The following THSD7B variants were observed in gnomAD, a reference collection of about 807,000 sequenced individuals.
The protein encoded by THSD7B is thrombospondin type 1 domain containing 7B, also known as thrombospondin type-1 domain-containing protein 7B.
In THSD7B, 138 loss-of-function variants were observed where a neutral mutation model predicts 213.6. The observed-to-expected ratio is 0.65, with a 90% CI of 0.56 to 0.74. The LOEUF is 0.74. Among genes scored for constraint, THSD7B ranks in the 30% least tolerant of loss-of-function variants. THSD7B has a pLI of 0.00. For synonymous variants in THSD7B, 742 were observed against 687.0 expected (o/e 1.08, Z -1.25); for missense variants, 1,931 against 1,991.5 (o/e 0.97, Z 0.58).
At chr2:137,443,105 T>C (rs1687454376) in intron 14 of THSD7B, among the ~76,000 whole-genome samples, 1 of 152,162 alleles carries the variant, frequency 6.6e-6, no homozygotes, top group Non-Finnish European at 1.5e-5. Context: ...TCTAGTCTCC[T>C]TTGTCTCTAA....
At chr2:137,013,456 G>A (rs532172424) in intron 2 of THSD7B, among the ~76,000 whole-genome samples, 2 of 152,256 alleles carry the variant, frequency 1.3e-5, no homozygotes, top group South Asian at 4.1e-4. Flanking sequence ...AGAGTTCTTA[G>A]GATAGGGTAC....
intron 7 of THSD7B, among the ~76,000 whole-genome samples, chr2:137,183,736 C>T (rs1441751332): frequency 2.0e-5 from 3 of 151,988 alleles, no homozygotes; most frequent in Non-Finnish European, 4.4e-5. Flanking sequence ...TACCCAGTGT[C>T]AAAACAAGGG....
At chr2:137,676,173 G>A (rs1311876339) in intron 27 of THSD7B, among the ~76,000 whole-genome samples, 2 of 152,182 alleles carry the variant, frequency 1.3e-5, no homozygotes, top group Admixed American at 1.3e-4. Flanking sequence ...GGCTGCTCCA[G>A]CTGCTTATGA....
At chr2:137,639,170 G>A (rs1383349471) in intron 20 of THSD7B, among the ~76,000 whole-genome samples, 1 of 152,032 alleles carries the variant, frequency 6.6e-6, no homozygotes, top group African/African-American at 2.4e-5. Context: ...GTCCCAGCAG[G>A]AAAAGTGGTT....
chr2:137,516,826 A>G (rs1243944891), intron 15 of THSD7B, among the ~76,000 whole-genome samples: 2 of 152,226 alleles, frequency 1.3e-5, no homozygotes, highest in African/African-American at 4.8e-5. Flanking sequence ...ACCTAGAAAA[A>G]TAGTAAATAA....
chr2:137,377,233 G>A (rs1685676761), intron 12 of THSD7B, among the ~76,000 whole-genome samples: 1 of 152,142 alleles, frequency 6.6e-6, no homozygotes, highest in Admixed American at 6.5e-5. Flanking sequence ...TCCAGATAGT[G>A]TTCTGCAGAA....
chr2:137,439,073 A>G (rs1375167553), intron 14 of THSD7B, among the ~76,000 whole-genome samples: 2 of 152,094 alleles, frequency 1.3e-5, no homozygotes, highest in Non-Finnish European at 2.9e-5. Flanking sequence ...ATTTTCTCCT[A>G]TAAACTTTAG....
At chr2:137,085,616 A>T (rs1206226355) in intron 3 of THSD7B, among the ~76,000 whole-genome samples, 2 of 152,114 alleles carry the variant, frequency 1.3e-5, no homozygotes, top group East Asian at 3.8e-4. Context: ...TAGAGCAAAA[A>T]TAAAAGAAAA....
intron 2 of THSD7B, among the ~76,000 whole-genome samples, chr2:136,917,303 A>G (rs1228806715): frequency 6.6e-6 from 1 of 152,198 alleles, no homozygotes; most frequent in Non-Finnish European, 1.5e-5. Flanking sequence ...AAATATATTC[A>G]TACTGTAGCA....
chr2:137,428,784 A>G (rs551112259), intron 14 of THSD7B, among the ~76,000 whole-genome samples: 2 of 152,342 alleles, frequency 1.3e-5, no homozygotes, highest in East Asian at 3.9e-4. Flanking sequence ...CAAAATTTAT[A>G]TATTGAAACT....
chr2:136,946,781 C>G (rs979840317), intron 2 of THSD7B, among the ~76,000 whole-genome samples: 1 of 152,202 alleles, frequency 6.6e-6, no homozygotes, highest in Non-Finnish European at 1.5e-5. Context: ...GGTGTGGGAC[C>G]CACCGAGCCT....
At position 137,056,641 on chromosome 2, in the gene THSD7B, C is replaced by G. The variant is rs756145411; in HGVS notation, c.361C>G (p.Arg121Gly). ...CCACTGTGTGCTTGTTCCTTACGCT[C>G]GCGGTGAAGTCAAGCCTCGGACTGC... ...WHHCVLVPYA[R>G]GEVKPRTAEC... is the part of the protein sequence containing the mutation. The change falls in exon 3 of 28, where the codon CGC becomes GGC. Residue 121 changes from arginine to glycine, a missense_variant. Coordinates refer to ENST00000409968, the MANE Select transcript of THSD7B (RefSeq NM_001316349.2). The G allele has an allele frequency of 1.2e-6, 2 of 1,613,774 alleles. No individual in the cohort carries two copies. The highest frequency in any genetic ancestry group is 2.7e-5 in the African/African-American group (2 of 74,890).
chr2:136,817,232 C>CA (rs1445950824), intron 1 of THSD7B, among the ~76,000 whole-genome samples: 1 of 152,114 alleles, frequency 6.6e-6, no homozygotes, highest in African/African-American at 2.4e-5. Context: ...TGTTACTTGT[C>CA]AAATTTGTTT....
intron 15 of THSD7B, among the ~76,000 whole-genome samples, chr2:137,558,749 A>G (rs1681040778): frequency 6.6e-6 from 1 of 152,198 alleles, no homozygotes; most frequent in Non-Finnish European, 1.5e-5. Flanking sequence ...AATGGTATTC[A>G]ATTAGGAAAA....
chr2:137,241,651 G>T (rs1245355598), intron 9 of THSD7B, among the ~76,000 whole-genome samples: 1 of 151,972 alleles, frequency 6.6e-6, no homozygotes. Context: ...GGTGGCTCAC[G>T]CCTGTAATCC....
intron 15 of THSD7B, among the ~76,000 whole-genome samples, chr2:137,451,669 G>A (rs1376009055): frequency 1.3e-5 from 2 of 152,018 alleles, no homozygotes; most frequent in East Asian, 3.9e-4. Flanking sequence ...GAGTATTTCA[G>A]TTGCCTTTGT....
At chr2:137,149,449 C>A (rs1469274278) in intron 5 of THSD7B, among the ~76,000 whole-genome samples, 1 of 152,182 alleles carries the variant, frequency 6.6e-6, no homozygotes, top group Non-Finnish European at 1.5e-5. Flanking sequence ...GGTCCACCAA[C>A]AGCTTTTGCA....
chr2:137,148,459 G>T (rs1679751824), intron 5 of THSD7B, among the ~76,000 whole-genome samples: 1 of 152,132 alleles, frequency 6.6e-6, no homozygotes, highest in Non-Finnish European at 1.5e-5. Flanking sequence ...AGAACAGTTT[G>T]GAGGGCTCAG....
intron 5 of THSD7B, among the ~76,000 whole-genome samples, chr2:137,119,718 T>C (rs1363086295): frequency 6.6e-6 from 1 of 152,124 alleles, no homozygotes; most frequent in African/African-American, 2.4e-5. Flanking sequence ...CCCCCTACTG[T>C]AGATTTTTAA....
Sources: gnomAD v4.1 joint callset for allele counts (sites outside exome capture counted in the v4.1 genomes callset) on GRCh38, gnomAD v4.1.1 for gene constraint, MANE v1.5 for transcripts, NCBI Gene and HGNC (gene_info 2026-07-23, HGNC 2026-07-21) for gene names.